Variants in AGBL4 observed in about 807,000 individuals in gnomAD.
AGBL4 encodes AGBL carboxypeptidase 4.
AGBL4 carries 58 observed loss-of-function variants against 66.4 expected under a neutral mutation model. The observed-to-expected ratio is 0.87, with a 90% CI of 0.71 to 1.09. The LOEUF is 1.09. Ranked by LOEUF, AGBL4 falls within the 50% of genes least tolerant of loss-of-function variation. The pLI is 0.00. For synonymous variants in AGBL4, 234 were observed against 222.9 expected, an observed-to-expected ratio of 1.05 and a Z score of -0.44; for missense variants, 579 against 631.0, an observed-to-expected ratio of 0.92 and a Z score of 0.88.
chr1:49,136,136 C>T (rs1646006009), intron 4 of AGBL4, among the ~76,000 whole-genome samples: 1 of 152,160 alleles, frequency 6.6e-6, no homozygotes, highest in South Asian at 2.1e-4. Context: ...TTTAAACTTT[C>T]ATATGCTGTC....
At chr1:48,601,520 G>C (rs913969728) in intron 9 of AGBL4, among the ~76,000 whole-genome samples, 4 of 152,130 alleles carry the variant, frequency 2.6e-5, no homozygotes, top group Admixed American at 6.5e-5. Flanking sequence ...CGAGTACTAT[G>C]GTAGCATAGA....
chr1:49,345,989 T>G (rs1159814618), intron 3 of AGBL4, among the ~76,000 whole-genome samples: 3 of 152,132 alleles, frequency 2.0e-5, no homozygotes, highest in Non-Finnish European at 4.4e-5. Context: ...GCTCAAAGCT[T>G]AAAAAGTTTA....
chr1:48,912,372 T>C (rs749255415), intron 5 of AGBL4, among the ~76,000 whole-genome samples: 2 of 152,086 alleles, frequency 1.3e-5, no homozygotes, highest in African/African-American at 2.4e-5. Flanking sequence ...AGGAGTTGGT[T>C]TGGGGTTAAA....
In AGBL4 at chr1:49,850,643, A is replaced by T. The variant is rs144924846; in HGVS notation, c.157+753T>A. On this transcript the variant is annotated intron_variant, in intron 2 of 13. Transcript: ENST00000371839. ...AACCAATGTTTTTAAGGTTCAGAAA[A>T]AACTATTATATAACTGATATTGGTA... 1.4e-3 allele frequency among the ~76,000 whole-genome samples: 208 copies of T among 152,264 alleles called. 1 individual carries two copies. Among genetic ancestry groups the T allele is most frequent in the African/African-American group, 4.8e-3 (198 of 41,550 alleles).
At chr1:49,051,623 C>T (rs1644212725) in intron 4 of AGBL4, among the ~76,000 whole-genome samples, 1 of 152,140 alleles carries the variant, frequency 6.6e-6, no homozygotes. Flanking sequence ...TAGCTTGAGC[C>T]ATTTGCCCCC....
chr1:49,821,061 T>G lies in AGBL4; in HGVS notation c.157+30335A>C, dbSNP rs148312256. On this transcript the variant is annotated intron_variant, in intron 2 of 13. Coordinates refer to ENST00000371839, the MANE Select transcript of AGBL4 (RefSeq NM_032785.4). ...TTATTACTTTTCTTGCTGTTGTTAT[T>G]ACTTCCCACTAGCCCCTGAGGTCTA... 6.6e-5 allele frequency among the ~76,000 whole-genome samples: 10 copies of G among 152,298 alleles called. No homozygotes were observed. In the East Asian group the frequency reaches 1.9e-3, roughly 29 times the overall value.
intron 4 of AGBL4, among the ~76,000 whole-genome samples, chr1:49,111,890 T>C (rs1438033834): frequency 2.0e-5 from 3 of 152,222 alleles, no homozygotes; most frequent in African/African-American, 7.2e-5. Context: ...TTGATTATAC[T>C]GTAAGCTTTC....
At chr1:48,899,424 T>TTG (rs1461907035) in intron 5 of AGBL4, among the ~76,000 whole-genome samples, 5 of 151,660 alleles carry the variant, frequency 3.3e-5, no homozygotes, top group East Asian at 1.9e-4. Context: ...GTTAATAGTT[T>TTG]TTTTTTTTTT....
At chr1:50,014,300 G>T (rs1661771680) in intron 1 of AGBL4, among the ~76,000 whole-genome samples, 1 of 151,818 alleles carries the variant, frequency 6.6e-6, no homozygotes, top group Non-Finnish European at 1.5e-5. Context: ...GAACCCAGGA[G>T]GTGGAGGCTG....
chr1:49,803,890 G>A (rs188094265), intron 2 of AGBL4, among the ~76,000 whole-genome samples: 1 of 152,140 alleles, frequency 6.6e-6, no homozygotes, highest in African/African-American at 2.4e-5. Flanking sequence ...TTTGTTTGAT[G>A]TTTCTTTGAA....
chr1:49,623,190 C>T (rs578255126), intron 3 of AGBL4, among the ~76,000 whole-genome samples: 3 of 152,290 alleles, frequency 2.0e-5, no homozygotes, highest in African/African-American at 7.2e-5. Context: ...CTGGTGATCG[C>T]TCCACAAAGG....
At chr1:49,936,389 T>A (rs1444683302) in intron 1 of AGBL4, among the ~76,000 whole-genome samples, 2 of 152,140 alleles carry the variant, frequency 1.3e-5, no homozygotes, top group African/African-American at 2.4e-5. Context: ...ACGGGGAGAA[T>A]GGAACCAAGT....
chr1:48,566,128 GC>G (rs931826666), intron 11 of AGBL4, among the ~76,000 whole-genome samples: 1 of 152,080 alleles, frequency 6.6e-6, no homozygotes. Context: ...TAGTACTATG[GC>G]ATTTAAGGCT....
intron 6 of AGBL4, among the ~76,000 whole-genome samples, chr1:48,685,843 C>T (rs978113508): frequency 6.6e-6 from 1 of 152,158 alleles, no homozygotes; most frequent in Non-Finnish European, 1.5e-5. Context: ...ATCTCTTGAT[C>T]ACCAGCCTTA....
At chr1:49,530,267 AAAAAAC>A (rs1434765945) in intron 3 of AGBL4, among the ~76,000 whole-genome samples, 5 of 142,192 alleles carry the variant, frequency 3.5e-5, no homozygotes, top group South Asian at 2.2e-4. Context: ...TGTAAAAAAA[AAAAAAC>A]AAAAAAAAAC....
Position 48,766,789 on chromosome 1 carries a change from C to A in AGBL4, c.634+100402G>T, listed in dbSNP as rs111684938. The stretch of plus-strand genomic sequence containing the variant: ...ACCAGTCTCTTCCTGGACCCATGTT[C>A]CCAGAGTGAGGGTCGGGAAGTCCCA... On this transcript the variant is annotated intron_variant, in intron 6 of 13. Transcript: ENST00000371839. 9.9e-3 allele frequency among the ~76,000 whole-genome samples: 1,512 copies of A among 152,300 alleles called. 26 individuals carry two copies. Among genetic ancestry groups the A allele is most frequent in the African/African-American group, 0.034 (1,421 of 41,560 alleles).
intron 3 of AGBL4, among the ~76,000 whole-genome samples, chr1:49,529,825 G>C (rs1292518541): frequency 2.0e-5 from 3 of 152,060 alleles, no homozygotes; most frequent in Non-Finnish European, 2.9e-5. Flanking sequence ...TTAAGGGCTA[G>C]AGATAAATGT....
intron 5 of AGBL4, among the ~76,000 whole-genome samples, chr1:49,022,789 T>C (rs1663348017): frequency 6.6e-6 from 1 of 152,166 alleles, no homozygotes; most frequent in African/African-American, 2.4e-5. Context: ...AGGTGTATAT[T>C]ACTATTCATG....
At chr1:48,759,309 T>A in intron 6 of AGBL4, 1 of 1,546,852 alleles carries the variant, frequency 6.5e-7, no homozygotes, top group Non-Finnish European at 8.7e-7. Context: ...GAGAATCAGT[T>A]CAGGCAAGGG....
Sources: gnomAD v4.1 joint callset for allele counts (sites outside exome capture counted in the v4.1 genomes callset) on GRCh38, gnomAD v4.1.1 for gene constraint, MANE v1.5 for transcripts, NCBI Gene and HGNC (gene_info 2026-07-23, HGNC 2026-07-21) for gene names.